Variants in CXCL17 observed in about 807,000 individuals in gnomAD.
CXCL17 encodes C-X-C motif chemokine ligand 17, also known as C-X-C motif chemokine 17.
A neutral mutation model predicts 15.5 loss-of-function variants in CXCL17; 9 were observed. The observed-to-expected ratio is 0.58, with a 90% CI of 0.35 to 1.01. CXCL17 has a LOEUF of 1.01. Ranked by LOEUF, CXCL17 falls within the 50% of genes least tolerant of loss-of-function variation. The pLI is 0.02. For synonymous variants in CXCL17, 52 were observed against 52.3 expected (o/e 0.99, Z 0.02); for missense variants, 133 against 138.2 (o/e 0.96, Z 0.19).
rs1189541099 is a variant in CXCL17, at chr19:42,428,867, G to C, written c.*17C>G. 6.3e-7 allele frequency: 1 copy of C among 1,588,360 alleles called. No homozygotes were observed. The highest frequency in any genetic ancestry group is 2.2e-5 in the East Asian group (1 of 44,712). On this transcript the variant is annotated 3_prime_UTR_variant, in exon 4 of 4. Transcript: ENST00000601181. Reference sequence around the variant, plus strand: ...TGGCTGAGAATGTTTAATTGGAAGAGTGGGCGCTCAGAGCTCCTACAAAGG... The same window carrying C: ...TGGCTGAGAATGTTTAATTGGAAGACTGGGCGCTCAGAGCTCCTACAAAGG...
At position 42,441,242 on chromosome 19, in the gene CXCL17, A is replaced by T. The variant is rs566700515; in HGVS notation, c.79+1512T>A. Reference sequence around the variant, plus strand: ...GGCCCTCAATATAAGGCAGCAGATGATAAGTGCAAGAAGAGAGTGTCCAGC... The same window carrying T: ...GGCCCTCAATATAAGGCAGCAGATGTTAAGTGCAAGAAGAGAGTGTCCAGC... On this transcript the variant is annotated intron_variant, in intron 1 of 3. Transcript: ENST00000601181. Among the ~76,000 whole-genome samples, 19 of 152,300 alleles carry T rather than the reference A, an allele frequency of 1.2e-4. 1 individual carries two copies. In the South Asian group the frequency reaches 3.7e-3, roughly 30 times the overall value.
rs749449825 is a variant in CXCL17 at position 42,433,852 on chromosome 19, G to A, written c.84C>T (p.Val28=). The A allele has an allele frequency of 1.2e-6, 2 of 1,613,646 alleles. No homozygotes were observed. The highest frequency in any genetic ancestry group is 2.2e-5 in the East Asian group (1 of 44,882). The change falls in exon 2 of 4, where the codon GTC becomes GTT. Residue 28 remains valine, a synonymous_variant. Transcript: ENST00000601181. ...GGCCTCGGTCCCTGTGGCCTCTGGC[G>A]ACCCCTGTCGGAAGGAAACAGGTCA... ...SMVSSSLNPG[V]ARGHRDRGQA...
intron 3 of CXCL17, among the ~76,000 whole-genome samples, chr19:42,432,237 C>T (rs575183209): frequency 8.0e-5 from 12 of 150,796 alleles, no homozygotes; most frequent in South Asian, 4.2e-4. Flanking sequence ...CTCCACCTCC[C>T]GGATTAAAGC....
intron 1 of CXCL17, among the ~76,000 whole-genome samples, chr19:42,434,620 G>C (rs1196544269): frequency 1.3e-5 from 2 of 151,944 alleles, no homozygotes; most frequent in East Asian, 3.9e-4. Flanking sequence ...TGTAAAGATA[G>C]GGTTTTGCCA....
chr19:42,433,782 ACT>A lies in CXCL17; in HGVS notation c.152_153del (p.Glu51ValfsTer27), dbSNP rs1253678843. 1.2e-6 allele frequency: 2 copies of A among 1,613,548 alleles called. No homozygotes were observed. The highest frequency in any genetic ancestry group is 1.7e-6 in the Non-Finnish European group (2 of 1,179,826). On this transcript the variant is annotated frameshift_variant, in exon 2 of 4. Transcript: ENST00000601181. LOFTEE classifies it high-confidence loss of function. ...RWLQEGGQEC[E>X]CKDWFLRAPR... Reference sequence around the variant, plus strand: ...TTGTTGCTGAATTACTGACCTTTGCACTCACATTCTTGGCCGCCTTCCTGGAG... The same window carrying A: ...TTGTTGCTGAATTACTGACCTTTGCACACATTCTTGGCCGCCTTCCTGGAG...
rs565648305 is a variant in CXCL17 at position 42,442,843 on chromosome 19, G to A, written c.-11C>T. The A allele has an allele frequency of 1.2e-5, 20 of 1,608,020 alleles. No homozygotes were observed. The highest frequency in any genetic ancestry group is 1.5e-5 in the Non-Finnish European group (18 of 1,174,722). Reference sequence around the variant, plus strand: ...GATTAGAACTTTCATCGCAACTGTCGGTGCAGCTGTAAGTTGCTTGAAGAA... The same window carrying A: ...GATTAGAACTTTCATCGCAACTGTCAGTGCAGCTGTAAGTTGCTTGAAGAA... On this transcript the variant is annotated 5_prime_UTR_variant, in exon 1 of 4. Coordinates refer to ENST00000601181, the MANE Select transcript of CXCL17 (RefSeq NM_198477.3).
chr19:42,433,057 T>G lies in CXCL17; in HGVS notation c.181A>C (p.Arg61=). ...ECKDWFLRAP[R]RKFMTVSGLP... is the part of the protein sequence containing the mutation. The stretch of plus-strand genomic sequence containing the variant: ...CCAGACACTGTCATGAATTTTCTTC[T>G]CGGGGCTCTCAGGAACCAATCTGGA... Residue 61 remains arginine, a synonymous_variant, in exon 3 of 4, where the codon AGA becomes CGA. Transcript: ENST00000601181. 6.2e-7 allele frequency: 1 copy of G among 1,613,938 alleles called. No homozygotes were observed. Among genetic ancestry groups the G allele is most frequent in the Non-Finnish European group, 8.5e-7 (1 of 1,179,912 alleles).
intron 1 of CXCL17, among the ~76,000 whole-genome samples, chr19:42,438,741 C>G (rs2040862645): frequency 6.6e-6 from 1 of 152,026 alleles, no homozygotes; most frequent in African/African-American, 2.4e-5. Flanking sequence ...CAGAAAAACA[C>G]AAGAGGAGCC....
chr19:42,433,001 A>G lies in CXCL17; in HGVS notation c.237T>C (p.His79=). The G allele has an allele frequency of 6.2e-7, 1 of 1,614,114 alleles. No homozygotes were observed. The highest frequency in any genetic ancestry group is 1.1e-5 in the South Asian group (1 of 91,068). ...GLPKKQCPCD[H]FKGNVKKTRH... ...TTGTTTTCTTCACATTGCCCTTGAAATGATCACAGGGGCACTGCTTCTTTG... is the reference window on the plus strand; with the variant it reads ...TTGTTTTCTTCACATTGCCCTTGAAGTGATCACAGGGGCACTGCTTCTTTG... The change falls in exon 3 of 4, where the codon CAT becomes CAC. Residue 79 remains histidine (H), a synonymous_variant. Coordinates refer to ENST00000601181, the MANE Select transcript of CXCL17 (RefSeq NM_198477.3).
At chr19:42,434,929 C>T (rs963002273) in intron 1 of CXCL17, among the ~76,000 whole-genome samples, 1 of 152,000 alleles carries the variant, frequency 6.6e-6, no homozygotes, top group Non-Finnish European at 1.5e-5. Context: ...CCTGGAATCC[C>T]AGCACTTTGG....
chr19:42,431,671 C>CTCA (rs1179431128), intron 3 of CXCL17, among the ~76,000 whole-genome samples: 1 of 149,294 alleles, frequency 6.7e-6, no homozygotes, highest in Non-Finnish European at 1.5e-5. Context: ...AATGATTTAT[C>CTCA]TCATTATTAT....
At chr19:42,429,598 G>T (rs1416758600) in intron 3 of CXCL17, among the ~76,000 whole-genome samples, 1 of 152,094 alleles carries the variant, frequency 6.6e-6, no homozygotes, top group African/African-American at 2.4e-5. Context: ...AAAATGCTAG[G>T]ATTACAGGTG....
In CXCL17 at chr19:42,442,763, G is replaced by A. The variant is rs375692922; in HGVS notation, c.70C>T (p.Leu24=). Residue 24 remains leucine (L), a synonymous_variant, in exon 1 of 4, where the codon CTG becomes TTG. Coordinates refer to ENST00000601181, the MANE Select transcript of CXCL17 (RefSeq NM_198477.3). Reference sequence around the variant, plus strand: ...AGACAGTCTTGTTTACCTGGATTCAGGCTGCTAGAGACCATGGACATCAGC... The same window carrying A: ...AGACAGTCTTGTTTACCTGGATTCAAGCTGCTAGAGACCATGGACATCAGC... ...LMLMSMVSSS[L]NPGVARGHRD... 1 of 1,611,696 alleles carries A rather than the reference G, an allele frequency of 6.2e-7. No individual in the cohort carries two copies.
intron 3 of CXCL17, among the ~76,000 whole-genome samples, chr19:42,430,403 C>T (rs915309801): frequency 6.6e-6 from 1 of 152,020 alleles, no homozygotes; most frequent in African/African-American, 2.4e-5. Context: ...CGAGACCAGC[C>T]TGACCAACAT....
chr19:42,438,381 A>AAAAAAAT (rs1555793041), intron 1 of CXCL17, among the ~76,000 whole-genome samples: 35 of 63,842 alleles, frequency 5.5e-4, no homozygotes, highest in African/African-American at 9.8e-4. Context: ...AAAAAAAAAA[A>AAAAAAAT]ATATATATAT....
Position 42,433,072 on chromosome 19 carries a change from A to C in CXCL17, c.166T>G (p.Phe56Val). 1 of 1,612,370 alleles carries C rather than the reference A, an allele frequency of 6.2e-7. No homozygotes were observed. ...GGQECECKDW[F>V]LRAPRRKFMT... ...AATTTTCTTCTCGGGGCTCTCAGGA[A>C]CCAATCTGGAACAACAGCATTGCTG... The change falls in exon 3 of 4, where the codon TTC becomes GTC. Residue 56 changes from phenylalanine (F) to valine (V), a missense_variant. Physicochemically the swap from Phe to Val is conservative, Grantham distance 50. Transcript: ENST00000601181.
Position 42,442,925 on chromosome 19 carries a change from G to A in CXCL17, c.-93C>T, listed in dbSNP as rs1350443137. ...GATCCCTGGGGATGACTCAGGTCAG[G>A]ATACTCAGCCTGGTGGTCTATGCTT... On this transcript the variant is annotated 5_prime_UTR_variant, in exon 1 of 4. Transcript: ENST00000601181. 1.1e-6 allele frequency: 1 copy of A among 924,650 alleles called. No homozygotes were observed. Among genetic ancestry groups the A allele is most frequent in the Non-Finnish European group, 1.7e-6 (1 of 587,374 alleles). 57.3% of individuals were successfully genotyped at this position (924,650 alleles called of 1,614,324 possible).
chr19:42,430,918 A>G (rs974901138), intron 3 of CXCL17, among the ~76,000 whole-genome samples: 26 of 151,918 alleles, frequency 1.7e-4, no homozygotes, highest in African/African-American at 6.0e-4. Flanking sequence ...GCTCACTGCA[A>G]CCTCTGCCTC....
chr19:42,440,567 A>T (rs913529056), intron 1 of CXCL17, among the ~76,000 whole-genome samples: 1 of 152,212 alleles, frequency 6.6e-6, no homozygotes, highest in African/African-American at 2.4e-5. Flanking sequence ...TTTAGGAGCG[A>T]CTTAGAAACT....
Sources: allele counts gnomAD v4.1 joint callset (sites outside exome capture counted in the v4.1 genomes callset), GRCh38; gene constraint gnomAD v4.1.1; transcripts MANE v1.5; gene names NCBI Gene and HGNC (gene_info 2026-07-23, HGNC 2026-07-21).